Variants in DAZAP1 observed in about 807,000 individuals in gnomAD.
DAZAP1 encodes DAZ associated protein 1.
A neutral mutation model predicts 60.1 loss-of-function variants in DAZAP1; 6 were observed. That is an observed-to-expected ratio of 0.10 (90% confidence interval 0.05 to 0.20). The LOEUF (loss-of-function observed/expected upper bound fraction) is 0.20. Among genes scored for constraint, DAZAP1 ranks in the 10% least tolerant of loss-of-function variants. The probability of loss-of-function intolerance (pLI) is 1.00; values close to 1 mark genes in which losing one functional copy is unlikely to be tolerated. For synonymous variants in DAZAP1, 235 were observed against 215.9 expected (o/e 1.09, Z -0.78); for missense variants, 366 against 560.4 (o/e 0.65, Z 3.50).
rs1600220707 is a variant in DAZAP1 at position 1,422,635 on chromosome 19, A to G, written c.463+239A>G. Among the ~76,000 whole-genome samples, 2 of 151,976 alleles carry G rather than the reference A, an allele frequency of 1.3e-5. No individual in the cohort carries two copies. On this transcript the variant is annotated intron_variant, in intron 6 of 11. Transcript: ENST00000233078. The surrounding 1 kb of genome is among the most constrained non-coding windows in gnomAD (Gnocchi z 4.5). ...GGCTTGTTCTTTTGAAGTTTTTACG[A>G]CTTGTCATGAGTCTCGGCCTGGCTT... is the stretch of plus-strand genomic sequence containing the variant.
In DAZAP1 at chr19:1,423,749, T is replaced by G. The variant is rs2083226028; in HGVS notation, c.463+1353T>G. Reference sequence around the variant, plus strand: ...AATACTGCCTCTGATCTTGGGAAACTTGAGCGCGCGGGAATCTGAGGGTTG... The same window carrying G: ...AATACTGCCTCTGATCTTGGGAAACGTGAGCGCGCGGGAATCTGAGGGTTG... On this transcript the variant is annotated intron_variant, in intron 6 of 11. Transcript: ENST00000233078. The surrounding 1 kb of genome is among the most constrained non-coding windows in gnomAD (Gnocchi z 6.8). Among the ~76,000 whole-genome samples, 1 of 152,256 alleles carries G rather than the reference T, an allele frequency of 6.6e-6. No individual in the cohort carries two copies. The highest frequency in any genetic ancestry group is 2.1e-4 in the South Asian group (1 of 4,818).
At chr19:1,407,961 G>T (rs2082712054) in intron 1 of DAZAP1, among the ~76,000 whole-genome samples, 159 bp downstream of exon 1, 1 of 151,670 alleles carries the variant, frequency 6.6e-6, no homozygotes, top group Admixed American at 6.6e-5. Flanking sequence ...CGCGCCGGGG[G>T]CCCTGGACGG....
chr19:1,413,846 C>G (rs936836437), intron 1 of DAZAP1, among the ~76,000 whole-genome samples: 6 of 152,158 alleles, frequency 3.9e-5, no homozygotes, highest in Non-Finnish European at 8.8e-5. Flanking sequence ...TAATGAAAGT[C>G]TTTTATACCA....
rs1337097554 is a variant in DAZAP1 at position 1,423,670 on chromosome 19, T to C, written c.463+1274T>C. Among the ~76,000 whole-genome samples, 1 of 152,252 alleles carries C rather than the reference T, an allele frequency of 6.6e-6. No individual in the cohort carries two copies. Among genetic ancestry groups the C allele is most frequent in the African/African-American group, 2.4e-5 (1 of 41,466 alleles). On this transcript the variant is annotated intron_variant, in intron 6 of 11. Transcript: ENST00000233078. This position sits in a 1 kb window ranked among gnomAD's most constrained non-coding sequence, Gnocchi z 6.8. ...CCTGTGGTTTCAGACACTCCTGCAG[T>C]TTGCGAAAATGTCTACTTCTAAATA...
rs767017172 is a variant in DAZAP1, at chr19:1,434,732, C to T, written c.1049-5C>T. 2 of 1,611,326 alleles carry T rather than the reference C, an allele frequency of 1.2e-6. No individual in the cohort carries two copies. The highest frequency in any genetic ancestry group is 1.7e-6 in the Non-Finnish European group (2 of 1,178,948). On this transcript the variant is annotated splice_region_variant and splice_polypyrimidine_tract_variant and intron_variant, in intron 11 of 11. Coordinates refer to ENST00000233078, the MANE Select transcript of DAZAP1 (RefSeq NM_018959.4). The surrounding 1 kb of genome is among the most constrained non-coding windows in gnomAD (Gnocchi z 8.0). ...GCCCCGAGCTCACAGGACTTTCTCC[C>T]CCAGCAGGTTACGGGCAGGACTTGA...
At position 1,434,838 on chromosome 19, in the gene DAZAP1, C is replaced by T. The variant is rs753539347; in HGVS notation, c.1150C>T (p.Pro384Ser). The T allele has an allele frequency of 6.9e-6, 11 of 1,604,110 alleles. No homozygotes were observed. In the Admixed American group the frequency reaches 1.0e-4, roughly 15 times the overall value. The change falls in exon 12 of 12, where the codon CCC (proline) becomes TCC (serine). Residue 384 changes from proline to serine, a missense_variant. This residue lies in a region of DAZAP1 where 240 missense variants were observed against 308.8 expected (regional missense o/e 0.78). Transcript: ENST00000233078. The surrounding 1 kb of genome is among the most constrained non-coding windows in gnomAD (Gnocchi z 8.0). Reference sequence around the variant, plus strand: ...TCCCTCCGTGCCAGGGTCGGGGGGCCCCCCCGCCGGCGGCAGCGGCTTTGG... The same window carrying T: ...TCCCTCCGTGCCAGGGTCGGGGGGCTCCCCCGCCGGCGGCAGCGGCTTTGG... ...GGPSVPGSGGPPAGGSGFGRG... is the reference protein window; with the variant it reads ...GGPSVPGSGGSPAGGSGFGRG...
intron 1 of DAZAP1, among the ~76,000 whole-genome samples, chr19:1,414,033 T>TG (rs2082904814): frequency 2.0e-4 from 15 of 73,706 alleles, no homozygotes; most frequent in Admixed American, 2.0e-3. Context: ...GTGTGTGTGT[T>TG]TAGATGGACC....
At chr19:1,421,836 A>G (rs2083165114) in intron 5 of DAZAP1, among the ~76,000 whole-genome samples, 1 of 152,156 alleles carries the variant, frequency 6.6e-6, no homozygotes, top group Non-Finnish European at 1.5e-5. Context: ...CACGTTCATC[A>G]GGTGGTACCT....
chr19:1,430,575 T>A (rs1422176405), intron 10 of DAZAP1, among the ~76,000 whole-genome samples: 2 of 152,178 alleles, frequency 1.3e-5, no homozygotes, highest in African/African-American at 4.8e-5. Flanking sequence ...CAGCCCGGGC[T>A]CCTGCGGGTT....
chr19:1,411,805 C>T (rs543199693), intron 1 of DAZAP1, among the ~76,000 whole-genome samples: 5 of 152,346 alleles, frequency 3.3e-5, no homozygotes, highest in East Asian at 1.9e-4. Context: ...CTCCACTGCC[C>T]GCCCCGCACA....
At chr19:1,430,567 G>A (rs978777369) in intron 10 of DAZAP1, among the ~76,000 whole-genome samples, 29 of 152,342 alleles carry the variant, frequency 1.9e-4, no homozygotes, top group South Asian at 1.2e-3. Context: ...CTAAAGGGCA[G>A]CCCGGGCTCC....
chr19:1,434,920 C>T lies in DAZAP1; in HGVS notation c.*8C>T, dbSNP rs187397379. 640 of 1,432,840 alleles carry T rather than the reference C, an allele frequency of 4.5e-4. 3 individuals are homozygous for T. In the African/African-American group the frequency reaches 8.4e-3, roughly 19 times the overall value. The allele number at this position is 1,432,840 out of a possible 1,614,324, so 88.8% of individuals were successfully genotyped here. ...CACCCCTACCGACGCTAGCCCGCGG[C>T]GCCGCGACGTCTGCACGGCCCAGAC... On this transcript the variant is annotated 3_prime_UTR_variant, in exon 12 of 12. Transcript: ENST00000233078. This position sits in a 1 kb window ranked among gnomAD's most constrained non-coding sequence, Gnocchi z 8.0.
Position 1,418,742 on chromosome 19 carries a change from G to A in DAZAP1, c.303+11G>A, listed in dbSNP as rs766885892. ...CCGAAGGAAGGATGGGTAAGGGGCTGGGCCGGGCGGCCTCCTTGTGTGTTC... is the reference window on the plus strand; with the variant it reads ...CCGAAGGAAGGATGGGTAAGGGGCTAGGCCGGGCGGCCTCCTTGTGTGTTC... On this transcript the variant is annotated intron_variant, in intron 4 of 11. Transcript: ENST00000233078. This position sits in a 1 kb window ranked among gnomAD's most constrained non-coding sequence, Gnocchi z 5.7. 6.9e-6 allele frequency: 11 copies of A among 1,599,120 alleles called. No homozygotes were observed. The highest frequency in any genetic ancestry group is 1.7e-5 in the Admixed American group (1 of 57,784).
intron 10 of DAZAP1, among the ~76,000 whole-genome samples, chr19:1,430,772 G>A (rs1246369373): frequency 6.6e-5 from 10 of 151,324 alleles, no homozygotes; most frequent in African/African-American, 1.9e-4. Flanking sequence ...CCAGGCTGGA[G>A]TGCAGTGGCG....
At position 1,432,466 on chromosome 19, in the gene DAZAP1, C is replaced by G; in HGVS notation, c.872-48C>G. On this transcript the variant is annotated intron_variant, in intron 10 of 11. Transcript: ENST00000233078. This position sits in a 1 kb window ranked among gnomAD's most constrained non-coding sequence, Gnocchi z 4.9. ...GGTGTGGGTCTCCTGCTGGTCTGCC[C>G]CCAGCTGCACAACGTGTCTTGTGCC... 1 of 1,601,996 alleles carries G rather than the reference C, an allele frequency of 6.2e-7. No individual in the cohort carries two copies. The highest frequency in any genetic ancestry group is 8.5e-7 in the Non-Finnish European group (1 of 1,171,054).
At chr19:1,431,317 G>C (rs2083446214) in intron 10 of DAZAP1, among the ~76,000 whole-genome samples, 1 of 149,802 alleles carries the variant, frequency 6.7e-6, no homozygotes, top group Admixed American at 6.7e-5. Flanking sequence ...TTTTAGTAGA[G>C]ACAGGGTTTC....
At position 1,430,270 on chromosome 19, in the gene DAZAP1, C is replaced by CCCCCCTAAACAACAA; in HGVS notation, c.779_780insCCCCCTAAACAACAA (p.Pro261_Phe262insLeuAsnAsnLysPro). On this transcript the variant is annotated inframe_insertion, in exon 10 of 12. Transcript: ENST00000233078. Reference sequence around the variant, plus strand: ...GGAAGAGGAGCCCCCCCGCCACCCCCACCGTTCACCTCCTACATCGTGTCC... The same window carrying CCCCCCTAAACAACAA: ...GGAAGAGGAGCCCCCCCGCCACCCCCCCCCCTAAACAACAAACCGTTCACCTCCTACATCGTGTCC... 1 of 1,368,654 alleles carries CCCCCCTAAACAACAA rather than the reference C, an allele frequency of 7.3e-7. No homozygotes were observed. Among genetic ancestry groups the CCCCCCTAAACAACAA allele is most frequent in the Non-Finnish European group, 1.0e-6 (1 of 979,208 alleles). 84.8% of individuals were successfully genotyped at this position (1,368,654 alleles called of 1,614,324 possible).
rs1259199530 is a variant in DAZAP1, at chr19:1,425,563, T to C, written c.464-315T>C. On this transcript the variant is annotated intron_variant, in intron 6 of 11. Transcript: ENST00000233078. This position sits in a 1 kb window ranked among gnomAD's most constrained non-coding sequence, Gnocchi z 5.4. ...CCGTTCCCCTGTCTCCGCTGCTGTT[T>C]TATAAGATGTGCTCCTTGTTCCAAA... 1.3e-5 allele frequency among the ~76,000 whole-genome samples: 2 copies of C among 152,322 alleles called. No homozygotes were observed. Among genetic ancestry groups the C allele is most frequent in the African/African-American group, 4.8e-5 (2 of 41,566 alleles).
Position 1,433,546 on chromosome 19 carries a change from C to A in DAZAP1, c.1048+856C>A, listed in dbSNP as rs2144949226. On this transcript the variant is annotated intron_variant, in intron 11 of 11. Transcript: ENST00000233078. The surrounding 1 kb of genome is among the most constrained non-coding windows in gnomAD (Gnocchi z 6.1). ...CCACCCACCTCGCATGGCTGTGGTT[C>A]CCCTGCCCCCACGCCCAGGCCTTGG... is the stretch of plus-strand genomic sequence containing the variant. 154 of 502,004 alleles carry A rather than the reference C, an allele frequency of 3.1e-4. No homozygotes were observed. The highest frequency in any genetic ancestry group is 1.1e-3 in the Middle Eastern group (2 of 1,742). The allele number at this position is 502,004 out of a possible 1,614,324, so 31.1% of individuals were successfully genotyped here. A position where few individuals can be genotyped will look rare whatever the true frequency, so the allele number is the denominator to read the frequency against.
Sources: gnomAD v4.1 joint callset for allele counts (sites outside exome capture counted in the v4.1 genomes callset) on GRCh38, gnomAD v4.1.1 for gene constraint, gnomAD v4.1.1 regional missense constraint, Gnocchi (gnomAD v3.1) non-coding constraint, MANE v1.5 for transcripts, NCBI Gene and HGNC (gene_info 2026-07-23, HGNC 2026-07-21) for gene names.